Variants in AGFG1 observed in about 807,000 individuals in gnomAD.
AGFG1 encodes ArfGAP with FG repeats 1.
AGFG1 carries 10 observed loss-of-function variants against 60.6 expected under a neutral mutation model. That is an observed-to-expected ratio of 0.16 (90% confidence interval 0.10 to 0.28). The LOEUF (loss-of-function observed/expected upper bound fraction) is 0.28. Among genes scored for constraint, AGFG1 ranks in the 10% least tolerant of loss-of-function variants. AGFG1 has a pLI of 1.00. For synonymous variants in AGFG1, 247 were observed against 242.9 expected, an observed-to-expected ratio of 1.02 and a Z score of -0.16; for missense variants, 537 against 676.5, an observed-to-expected ratio of 0.79 and a Z score of 2.29.
rs1028852921 is a variant in AGFG1 at position 227,554,708 on chromosome 2, G to A, written c.*213G>A. 12 of 444,984 alleles carry A rather than the reference G, an allele frequency of 2.7e-5. No individual in the cohort carries two copies. The highest frequency in any genetic ancestry group is 5.8e-4 in the Middle Eastern group (1 of 1,736). 27.6% of individuals were successfully genotyped at this position (444,984 alleles called of 1,614,324 possible). ...CTGTGAATTGGCAGAAAAGGGTAGC[G>A]GTATCATGTATATTAAAATTGGCTA... On this transcript the variant is annotated 3_prime_UTR_variant, in exon 13 of 13. Transcript: ENST00000310078.
intron 2 of AGFG1, chr2:227,510,809 A>AT (rs1229091182): frequency 6.6e-6 from 1 of 152,214 alleles, no homozygotes; most frequent in African/African-American, 2.4e-5. Flanking sequence ...CTAAGTCCTT[A>AT]TGGTAGATGT....
intron 2 of AGFG1, among the ~76,000 whole-genome samples, chr2:227,499,829 G>A (rs898571061): frequency 1.1e-4 from 16 of 152,132 alleles, no homozygotes; most frequent in East Asian, 5.8e-4. Flanking sequence ...GGCCCCTGCC[G>A]GCTTAAAGTC....
chr2:227,516,637 A>G (rs1357434592), intron 2 of AGFG1, among the ~76,000 whole-genome samples: 1 of 152,140 alleles, frequency 6.6e-6, no homozygotes, highest in Non-Finnish European at 1.5e-5. Context: ...TGCTTATGTC[A>G]AATAGTTTAT....
chr2:227,493,347 T>A (rs553497268), intron 2 of AGFG1, among the ~76,000 whole-genome samples: 1 of 152,304 alleles, frequency 6.6e-6, no homozygotes, highest in South Asian at 2.1e-4. Flanking sequence ...TTGCCCCGAT[T>A]CTACTCTCTG....
chr2:227,544,146 C>CTTT (rs71039605), intron 10 of AGFG1, among the ~76,000 whole-genome samples: 8 of 75,756 alleles, frequency 1.1e-4, no homozygotes, highest in Non-Finnish European at 1.4e-4. Flanking sequence ...CATTCTGTGT[C>CTTT]TTTTTTTTTT....
At chr2:227,523,368 C>T (rs1473230005) in intron 3 of AGFG1, among the ~76,000 whole-genome samples, 2 of 151,986 alleles carry the variant, frequency 1.3e-5, no homozygotes, top group Non-Finnish European at 2.9e-5. Context: ...TGTTTTCCTA[C>T]CTCATCTTTC....
At chr2:227,542,016 T>A (rs1390890489) in intron 10 of AGFG1, among the ~76,000 whole-genome samples, 2 of 152,260 alleles carry the variant, frequency 1.3e-5, no homozygotes, top group Non-Finnish European at 2.9e-5. Context: ...TGTATAGGAA[T>A]ACTTGTGATT....
rs193056700 is a variant in AGFG1, at chr2:227,497,270, G to C, written c.261+5630G>C. Among the ~76,000 whole-genome samples, 5 of 150,944 alleles carry C rather than the reference G, an allele frequency of 3.3e-5. No individual in the cohort carries two copies. In the East Asian group the frequency reaches 9.8e-4, roughly 30 times the overall value. On this transcript the variant is annotated intron_variant, in intron 2 of 12. Transcript: ENST00000310078. Reference sequence around the variant, plus strand: ...GACCCAGTTTGGTCTGCAGATTGAAGATGTATAGAACTCTTAACGTTTCAG... The same window carrying C: ...GACCCAGTTTGGTCTGCAGATTGAACATGTATAGAACTCTTAACGTTTCAG...
chr2:227,519,409 G>T (rs1465171926), intron 2 of AGFG1, among the ~76,000 whole-genome samples: 3 of 151,520 alleles, frequency 2.0e-5, no homozygotes, highest in Admixed American at 6.6e-5. Flanking sequence ...TTCTCTTTTG[G>T]TTTTTCTGAA....
At chr2:227,525,987 T>C (rs10190371) in intron 5 of AGFG1, among the ~76,000 whole-genome samples, 7,924 of 152,304 alleles carry the variant, frequency 0.052, 265 homozygotes, top group African/African-American at 0.1. Context: ...AAAGTCAGAA[T>C]ACATGATTCT....
At position 227,524,851 on chromosome 2, in the gene AGFG1, T is replaced by C; in HGVS notation, c.630T>C (p.Ala210=). The change falls in exon 5 of 13, where the codon GCT becomes GCC. Residue 210 remains alanine (A), a synonymous_variant. Coordinates refer to ENST00000310078, the MANE Select transcript of AGFG1 (RefSeq NM_004504.5). The stretch of plus-strand genomic sequence containing the variant: ...ATCTCGGCTCAGACATCTTTGCTGC[T>C]CCAGCTCCTCAGTCAACAGCTACAG... ...LSDLGSDIFA[A]PAPQSTATAN... is the part of the protein sequence containing the mutation. The C allele has an allele frequency of 6.2e-7, 1 of 1,614,172 alleles. No homozygotes were observed. The highest frequency in any genetic ancestry group is 8.5e-7 in the Non-Finnish European group (1 of 1,179,994).
At chr2:227,527,017 G>T (rs1041911622) in intron 5 of AGFG1, among the ~76,000 whole-genome samples, 3 of 152,030 alleles carry the variant, frequency 2.0e-5, no homozygotes, top group South Asian at 2.1e-4. Context: ...AGGTACTTAG[G>T]TTAGGTAATA....
At chr2:227,497,593 T>TA (rs1448987572) in intron 2 of AGFG1, among the ~76,000 whole-genome samples, 1 of 152,026 alleles carries the variant, frequency 6.6e-6, no homozygotes, top group Non-Finnish European at 1.5e-5. Context: ...TTGTTATTGC[T>TA]CTTAGTTTCT....
chr2:227,497,761 T>TTTTTTTTTTTTTTTTTTTG (rs546987888), intron 2 of AGFG1, among the ~76,000 whole-genome samples: 14 of 65,156 alleles, frequency 2.1e-4, no homozygotes, highest in Non-Finnish European at 3.3e-4. Context: ...TTTTTTTTTT[T>TTTTTTTTTTTTTTTTTTTG]GGGGACGGAG....
At position 227,551,964 on chromosome 2, in the gene AGFG1, A is replaced by G. The variant is rs1291788228; in HGVS notation, c.1384A>G (p.Thr462Ala). Reference protein sequence around the residue: ...QTNARGATAATFGTASMSMPT... With the variant: ...QTNARGATAAAFGTASMSMPT... Reference sequence around the variant, plus strand: ...CAGCCCTTCTCTTCTGTCAGCGGCAACCTTTGGCACTGCATCCATGAGCAT... The same window carrying G: ...CAGCCCTTCTCTTCTGTCAGCGGCAGCCTTTGGCACTGCATCCATGAGCAT... Residue 462 changes from threonine (T) to alanine (A), a missense_variant, in exon 11 of 13, where the codon ACC (threonine) becomes GCC (alanine). By Grantham distance (58) the Thr-to-Ala change is moderately conservative (BLOSUM62 0). This residue lies in a region of AGFG1 where 287 missense variants were observed against 343.6 expected (regional missense o/e 0.84). Coordinates refer to ENST00000310078, the MANE Select transcript of AGFG1 (RefSeq NM_004504.5). 20 of 1,613,772 alleles carry G rather than the reference A, an allele frequency of 1.2e-5. No homozygotes were observed. Among genetic ancestry groups the G allele is most frequent in the Admixed American group, 5.0e-5 (3 of 59,998 alleles).
intron 10 of AGFG1, among the ~76,000 whole-genome samples, chr2:227,539,688 T>C (rs1276833667): frequency 7.5e-6 from 1 of 133,166 alleles, no homozygotes; most frequent in Non-Finnish European, 1.5e-5. Flanking sequence ...GAAATTACAG[T>C]GAACTGTGAT....
chr2:227,481,928 C>T (rs1175235984), intron 1 of AGFG1, among the ~76,000 whole-genome samples: 6 of 145,698 alleles, frequency 4.1e-5, no homozygotes, highest in African/African-American at 1.0e-4. Flanking sequence ...TGCAGGGGCG[C>T]GATCTCTGCT....
chr2:227,508,960 TTAAC>T (rs1318831560), intron 2 of AGFG1, among the ~76,000 whole-genome samples: 1 of 152,030 alleles, frequency 6.6e-6, no homozygotes, highest in East Asian at 1.9e-4. Flanking sequence ...GAATGGAAAA[TTAAC>T]TAGAATGTTA....
intron 1 of AGFG1, among the ~76,000 whole-genome samples, chr2:227,484,704 T>C (rs770732658): frequency 3.2e-5 from 1 of 30,846 alleles, no homozygotes; most frequent in Non-Finnish European, 7.2e-5. Flanking sequence ...TTTTTTTTTT[T>C]TTTTTTTTTT....
Sources: gnomAD v4.1 joint callset for allele counts (sites outside exome capture counted in the v4.1 genomes callset) on GRCh38, gnomAD v4.1.1 for gene constraint, gnomAD v4.1.1 regional missense constraint, MANE v1.5 for transcripts, NCBI Gene and HGNC (gene_info 2026-07-23, HGNC 2026-07-21) for gene names.